The following GSG1L variants were observed in gnomAD, a reference collection of about 807,000 sequenced individuals.
GSG1L encodes the protein GSG1 like.
Under a neutral mutation model 42.1 loss-of-function variants are expected in GSG1L, and 24 were observed. The ratio of observed to expected loss-of-function variants is 0.57; its 90% CI spans 0.41 to 0.80. The LOEUF (loss-of-function observed/expected upper bound fraction) is 0.80. GSG1L is among the 30% of genes least tolerant of loss of function. GSG1L has a pLI of 0.00. For missense variants in GSG1L, 445 were observed against 472.2 expected (o/e 0.94, Z 0.53); for synonymous variants, 215 against 203.5 (o/e 1.06, Z -0.48).
intron 3 of GSG1L, among the ~76,000 whole-genome samples, chr16:27,883,540 A>G (rs936643252): frequency 6.6e-6 from 1 of 152,264 alleles, no homozygotes; most frequent in East Asian, 1.9e-4. Context: ...AAATGTACAT[A>G]CCTCAATTAG....
chr16:28,009,330 T>C (rs1241832593), intron 1 of GSG1L, among the ~76,000 whole-genome samples: 1 of 152,116 alleles, frequency 6.6e-6, no homozygotes, highest in Non-Finnish European at 1.5e-5. Context: ...GCCCTCAAAG[T>C]GGCCTTCCTG....
intron 2 of GSG1L, among the ~76,000 whole-genome samples, chr16:27,890,722 C>A (rs976454708): frequency 6.6e-6 from 1 of 152,160 alleles, no homozygotes; most frequent in African/African-American, 2.4e-5. Flanking sequence ...CTACATGAGC[C>A]GTGGAACATC....
At chr16:27,834,057 T>C (rs2083298081) in intron 4 of GSG1L, among the ~76,000 whole-genome samples, 1 of 152,208 alleles carries the variant, frequency 6.6e-6, no homozygotes, top group Non-Finnish European at 1.5e-5. Flanking sequence ...TTAAGTATAA[T>C]GTTAGCTGTA....
chr16:27,922,810 G>A (rs2084540953), intron 2 of GSG1L, among the ~76,000 whole-genome samples: 1 of 152,106 alleles, frequency 6.6e-6, no homozygotes, highest in East Asian at 1.9e-4. Flanking sequence ...TAGAGATGGG[G>A]TCTCCCTCTG....
At chr16:27,986,279 C>T (rs1423395710) in intron 1 of GSG1L, among the ~76,000 whole-genome samples, 2 of 152,146 alleles carry the variant, frequency 1.3e-5, no homozygotes, top group African/African-American at 4.8e-5. Context: ...GCAGGCAGAT[C>T]TCTTGAGGCC....
chr16:27,791,639 C>T (rs768272787), intron 6 of GSG1L, among the ~76,000 whole-genome samples, 172 bp from the exon 7 acceptor site: 1 of 151,898 alleles, frequency 6.6e-6, no homozygotes, highest in African/African-American at 2.4e-5. Context: ...CTCCACCCAT[C>T]CCTCCCCTGT....
At chr16:27,962,592 G>A (rs529311615) in intron 2 of GSG1L, among the ~76,000 whole-genome samples, 2 of 152,298 alleles carry the variant, frequency 1.3e-5, no homozygotes, top group Admixed American at 1.3e-4. Flanking sequence ...ACCTAATCCT[G>A]ACTGCTATCC....
At chr16:27,955,210 A>C (rs953117494) in intron 2 of GSG1L, among the ~76,000 whole-genome samples, 1 of 152,194 alleles carries the variant, frequency 6.6e-6, no homozygotes, top group Non-Finnish European at 1.5e-5. Flanking sequence ...AATTAATATC[A>C]TTGGAGAAAT....
At chr16:27,940,813 C>A (rs1051547406) in intron 2 of GSG1L, among the ~76,000 whole-genome samples, 3 of 150,684 alleles carry the variant, frequency 2.0e-5, no homozygotes, top group African/African-American at 2.4e-5. Flanking sequence ...TGTAACTAAC[C>A]TGCACATTGT....
intron 3 of GSG1L, among the ~76,000 whole-genome samples, chr16:27,869,627 C>T (rs1446324344): frequency 4.0e-5 from 5 of 125,846 alleles, no homozygotes; most frequent in South Asian, 2.9e-4. Flanking sequence ...CTCCTCTCTG[C>T]GTCTCCATCT....
intron 1 of GSG1L, among the ~76,000 whole-genome samples, chr16:28,007,348 C>T (rs1012961651): frequency 9.9e-5 from 15 of 152,102 alleles, no homozygotes; most frequent in South Asian, 8.3e-4. Flanking sequence ...GGAGTATAAC[C>T]GGCATCTAGA....
At chr16:27,845,151 G>C in intron 3 of GSG1L, 90 bp from the exon 4 acceptor site, 1 of 824,838 alleles carries the variant, frequency 1.2e-6, no homozygotes, top group Non-Finnish European at 2.0e-6. Context: ...CTGCCTGCCT[G>C]TCTGCCTGTG....
chr16:27,837,920 A>G lies in GSG1L; in HGVS notation c.662+7030T>C, dbSNP rs181205604. On this transcript the variant is annotated intron_variant, in intron 4 of 6. Transcript: ENST00000447459. ...ACTTCTTCAGCTCCAAATCTGGGAT[A>G]TGTAACACAAAAAGAACTCAGCAAT... 4.0e-5 allele frequency among the ~76,000 whole-genome samples: 6 copies of G among 151,422 alleles called. No individual in the cohort carries two copies. In the East Asian group the frequency reaches 5.8e-4, roughly 15 times the overall value.
chr16:27,845,381 A>C (rs374723603), intron 3 of GSG1L, among the ~76,000 whole-genome samples: 2 of 152,302 alleles, frequency 1.3e-5, no homozygotes, highest in East Asian at 3.9e-4. Context: ...GGTGTATGCC[A>C]CTATGACAGG....
At chr16:27,973,409 A>C (rs1378336286) in intron 1 of GSG1L, among the ~76,000 whole-genome samples, 1 of 128,974 alleles carries the variant, frequency 7.8e-6, no homozygotes, top group Non-Finnish European at 1.5e-5. Flanking sequence ...TTGACACTGC[A>C]CTCCAGCCTG....
chr16:28,055,097 C>T (rs1007454), intron 1 of GSG1L, among the ~76,000 whole-genome samples: 61,392 of 152,028 alleles, frequency 0.4, 12,709 homozygotes, highest in Middle Eastern at 0.45. Flanking sequence ...AGCCCAGTGG[C>T]CCTGGCTCTG....
chr16:27,802,526 C>A (rs943026713), intron 6 of GSG1L, among the ~76,000 whole-genome samples: 2 of 152,122 alleles, frequency 1.3e-5, no homozygotes, highest in African/African-American at 4.8e-5. Context: ...GTCTCAGGCT[C>A]TTTTCTTCCC....
At position 27,857,697 on chromosome 16, in the gene GSG1L, C is replaced by T. The variant is rs570159963; in HGVS notation, c.551-12636G>A. ...ATGGGAGACACTGGGCGGACTCCCC[C>T]TCCCTGAGACTTCTTTCTCTCCATC... On this transcript the variant is annotated intron_variant, in intron 3 of 6. Transcript: ENST00000447459. Among the ~76,000 whole-genome samples the T allele has an allele frequency of 7.2e-5, 11 of 152,240 alleles. No individual in the cohort carries two copies. In the East Asian group the frequency reaches 1.7e-3, roughly 24 times the overall value.
Position 27,803,788 on chromosome 16 carries a change from T to TAG in GSG1L, c.898+3698_898+3699insCT, listed in dbSNP as rs1304476218. Among the ~76,000 whole-genome samples the TAG allele has an allele frequency of 5.3e-4, 34 of 63,650 alleles. 1 individual carries two copies. The highest frequency in any genetic ancestry group is 8.3e-4 in the South Asian group (2 of 2,408). 41.8% of individuals were successfully genotyped at this position (63,650 alleles called of 152,430 possible). On this transcript the variant is annotated intron_variant, in intron 6 of 6. Coordinates refer to ENST00000447459, the MANE Select transcript of GSG1L (RefSeq NM_001109763.2). ...AGACATATATATATATATATATATATATATATAGATAGATAGATATAGATA... is the reference window on the plus strand; with the variant it reads ...AGACATATATATATATATATATATATAGATATATAGATAGATAGATATAGATA...
Sources: allele counts gnomAD v4.1 joint callset (sites outside exome capture counted in the v4.1 genomes callset), GRCh38; gene constraint gnomAD v4.1.1; transcripts MANE v1.5; gene names NCBI Gene and HGNC (gene_info 2026-07-23, HGNC 2026-07-21).